Variants in PAN2 observed in about 807,000 individuals in gnomAD.
The protein encoded by PAN2 is poly(A) specific ribonuclease subunit PAN2.
A neutral mutation model predicts 133.3 loss-of-function variants in PAN2; 68 were observed. The observed-to-expected ratio is 0.51, with a 90% CI of 0.42 to 0.62. The LOEUF is 0.62. PAN2 is among the 20% of genes least tolerant of loss of function. The pLI, the probability that PAN2 is intolerant of heterozygous loss-of-function variation, is 0.00. For missense variants in PAN2, 1,042 were observed against 1,500.5 expected (o/e 0.69, Z 5.05); for synonymous variants, 462 against 544.6 (o/e 0.85, Z 2.11).
At chr12:56,328,198 C>T in intron 4 of PAN2, 40 bp downstream of exon 4, 1 of 1,592,538 alleles carries the variant, frequency 6.3e-7, no homozygotes, top group Non-Finnish European at 8.6e-7. Flanking sequence ...CCGCAACAAC[C>T]TCAGACCCCA....
Position 56,322,980 on chromosome 12 carries a change from T to C in PAN2, c.2493+82A>G. The C allele has an allele frequency of 1.9e-6, 3 of 1,549,124 alleles. No homozygotes were observed. The East Asian group carries it at 6.7e-5, about 35-fold the overall frequency. On this transcript the variant is annotated intron_variant, in intron 17 of 25. Transcript: ENST00000440411. ...TTCTCTTCCTTTTCCCTCTGCTAAG[T>C]TTCACCTTCCCCTGCCCTCCTTTAC...
chr12:56,332,656 T>A, intron 2 of PAN2, 157 bp downstream of exon 2: 1 of 623,526 alleles, frequency 1.6e-6, no homozygotes, highest in Non-Finnish European at 2.9e-6. Context: ...CATTTACTCC[T>A]AGATCCTAGA....
chr12:56,330,381 A>C, intron 2 of PAN2, among the ~76,000 whole-genome samples: 1 of 78,234 alleles, frequency 1.3e-5, no homozygotes. Context: ...TTTTTTTGAG[A>C]CGGAGTCTCG....
chr12:56,327,279 G>A, intron 6 of PAN2, 85 bp downstream of exon 6: 6 of 1,429,150 alleles, frequency 4.2e-6, no homozygotes, highest in Non-Finnish European at 5.8e-6. Flanking sequence ...CCCCAACAAA[G>A]AGGTTTCAGG....
chr12:56,333,355 G>A lies in PAN2; in HGVS notation c.-114-147C>T, dbSNP rs542480865. ...GGATGAAGCAGGCGGGGGAGGGATG[G>A]GCAGTGGGGGTGGAGGTGGTAGAAC... On this transcript the variant is annotated intron_variant, in intron 1 of 25. Transcript: ENST00000440411. 4.4e-5 allele frequency: 23 copies of A among 521,178 alleles called. No homozygotes were observed. The South Asian group carries it at 4.7e-4, about 11-fold the overall frequency. The allele number at this position is 521,178 out of a possible 1,614,324, so 32.3% of individuals were successfully genotyped here.
Position 56,327,411 on chromosome 12 carries a change from CG to C in PAN2, c.871del (p.Arg291AlafsTer36). On this transcript the variant is annotated frameshift_variant, in exon 6 of 26. Transcript: ENST00000440411. LOFTEE classifies it high-confidence loss of function. ...ACGAGAAGTATATGTAGGAATGAAG[CG>C]CAAGAAGGCAGGATCCACATGTACT... ...LQVHVDPAFLRFIPTYTSRLA... is the reference protein window; with the variant it reads ...LQVHVDPAFLXFIPTYTSRLA... The C allele has an allele frequency of 6.2e-7, 1 of 1,614,168 alleles. No homozygotes were observed. Among genetic ancestry groups the C allele is most frequent in the South Asian group, 1.1e-5 (1 of 91,076 alleles).
Position 56,322,403 on chromosome 12 carries a change from C to T in PAN2, c.2697+20G>A, listed in dbSNP as rs781307168. On this transcript the variant is annotated intron_variant, in intron 19 of 25. Coordinates refer to ENST00000440411, the MANE Select transcript of PAN2 (RefSeq NM_014871.6). ...GGAAAAGGGGAAATGAAAGAAGAAA[C>T]AGAACATGTTGCAACTAACCTTATC... is the stretch of plus-strand genomic sequence containing the variant. 13 of 1,592,394 alleles carry T rather than the reference C, an allele frequency of 8.2e-6. No individual in the cohort carries two copies. The South Asian group carries it at 9.9e-5, about 12-fold the overall frequency.
rs760310048 is a variant in PAN2 at position 56,325,461 on chromosome 12, A to T, written c.1360-7T>A. 4 of 1,613,528 alleles carry T rather than the reference A, an allele frequency of 2.5e-6. 1 individual carries two copies. Among genetic ancestry groups the T allele is most frequent in the South Asian group, 2.2e-5 (2 of 90,932 alleles). On this transcript the variant is annotated splice_polypyrimidine_tract_variant and splice_region_variant and intron_variant, in intron 8 of 25. Transcript: ENST00000440411. ...CCTTGAGTCTGTAGGGTATCTAGGGATTTTAGGAAGAGGTAACCTTGTTGG... is the reference window on the plus strand; with the variant it reads ...CCTTGAGTCTGTAGGGTATCTAGGGTTTTTAGGAAGAGGTAACCTTGTTGG...
intron 2 of PAN2, among the ~76,000 whole-genome samples, chr12:56,330,083 G>A (rs140543324): frequency 6.6e-6 from 1 of 152,024 alleles, no homozygotes; most frequent in Non-Finnish European, 1.5e-5. Context: ...CTTCTAGAGG[G>A]CCTAGAATAG....
Position 56,324,386 on chromosome 12 carries a change from G to A in PAN2, c.1836C>T (p.Leu612=), listed in dbSNP as rs1874889186. The change falls in exon 12 of 26, where the codon CTC becomes CTT. Residue 612 remains leucine (L), a synonymous_variant. Coordinates refer to ENST00000440411, the MANE Select transcript of PAN2 (RefSeq NM_014871.6). The part of the protein sequence containing the change: ...EASGKGNLAR[L]IQRWNRFILT... The stretch of plus-strand genomic sequence containing the variant: ...GAATGAAGCGATTCCACCTCTGAAT[G>A]AGCCTGGCCAGATTGCCCTTGCCTG... The A allele has an allele frequency of 6.2e-7, 1 of 1,614,062 alleles. No homozygotes were observed. Among genetic ancestry groups the A allele is most frequent in the African/African-American group, 1.3e-5 (1 of 74,914 alleles).
At chr12:56,326,498 T>C (rs2135980063) in intron 7 of PAN2, 89 bp from the exon 8 acceptor site, 10 of 1,508,890 alleles carry the variant, frequency 6.6e-6, no homozygotes, top group Non-Finnish European at 8.9e-6. Context: ...AAAAAGAAAA[T>C]ACTGAAGGTA....
At chr12:56,318,164 G>T in intron 25 of PAN2, 73 bp downstream of exon 25, 1 of 1,248,314 alleles carries the variant, frequency 8.0e-7, no homozygotes, top group African/African-American at 1.5e-5. Context: ...GTGACAGAGT[G>T]AGACCCTGTC....
Position 56,319,057 on chromosome 12 carries a change from T to C in PAN2, c.3364+31A>G. On this transcript the variant is annotated intron_variant, in intron 24 of 25. Coordinates refer to ENST00000440411, the MANE Select transcript of PAN2 (RefSeq NM_014871.6). This position sits in a 1 kb window ranked among gnomAD's most constrained non-coding sequence, Gnocchi z 5.4. Reference sequence around the variant, plus strand: ...TAAATGGCTGCTTCTGCTATTAATGTAGCAGGGGCCTACAAGGCAGAGCAA... The same window carrying C: ...TAAATGGCTGCTTCTGCTATTAATGCAGCAGGGGCCTACAAGGCAGAGCAA... The C allele has an allele frequency of 6.2e-7, 1 of 1,602,466 alleles. No homozygotes were observed. Among genetic ancestry groups the C allele is most frequent in the Non-Finnish European group, 8.6e-7 (1 of 1,169,488 alleles).
Position 56,322,078 on chromosome 12 carries a change from T to C in PAN2, c.2788A>G (p.Ile930Val). Residue 930 changes from isoleucine (I) to valine (V), a missense_variant and splice_region_variant, in exon 20 of 26, where the codon ATC becomes GTC. Transcript: ENST00000440411. Reference protein sequence around the residue: ...RNLNSRYNLNIKNPIEASVLL... With the variant: ...RNLNSRYNLNVKNPIEASVLL... ...CTTGGGTCTACTATGTAGCACTTAC[T>C]GTTCAGGTTGTATCTGGAATTGAGA... 6.4e-7 allele frequency: 1 copy of C among 1,565,384 alleles called. No homozygotes were observed. The highest frequency in any genetic ancestry group is 2.2e-5 in the East Asian group (1 of 44,584).
At chr12:56,330,509 G>A (rs1457087590) in intron 2 of PAN2, among the ~76,000 whole-genome samples, 1 of 150,266 alleles carries the variant, frequency 6.7e-6, no homozygotes, top group African/African-American at 2.4e-5. Flanking sequence ...ACAGGCGCCC[G>A]CCACTACGCC....
At chr12:56,322,577 A>T (rs1193277791) in intron 18 of PAN2, 38 bp downstream of exon 18, 1 of 1,613,012 alleles carries the variant, frequency 6.2e-7, no homozygotes, top group South Asian at 1.1e-5. Context: ...CACTGTGGCC[A>T]TCCCAGGAGT....
At chr12:56,326,514 A>G in intron 7 of PAN2, 103 bp downstream of exon 7, 1 of 1,505,830 alleles carries the variant, frequency 6.6e-7, no homozygotes, top group Non-Finnish European at 8.9e-7. Flanking sequence ...AGGTAGACAA[A>G]AATCAGGAAA....
At position 56,328,295 on chromosome 12, in the gene PAN2, A is replaced by C; in HGVS notation, c.516T>G (p.Gly172=). The C allele has an allele frequency of 6.2e-7, 1 of 1,609,682 alleles. No homozygotes were observed. The highest frequency in any genetic ancestry group is 1.1e-5 in the South Asian group (1 of 90,582). ...LLTDSSTLLV[G]GLQNHIIEID... Reference sequence around the variant, plus strand: ...TCTCTATTATGTGATTCTGCAGCCCACCAACGAGTAGAGTGCTGCTGTCAG... The same window carrying C: ...TCTCTATTATGTGATTCTGCAGCCCCCCAACGAGTAGAGTGCTGCTGTCAG... The change falls in exon 4 of 26, where the codon GGT becomes GGG. Residue 172 remains glycine (G), a synonymous_variant. Coordinates refer to ENST00000440411, the MANE Select transcript of PAN2 (RefSeq NM_014871.6).
Position 56,328,645 on chromosome 12 carries a change from T to G in PAN2, c.283-4A>C. 3 of 1,613,726 alleles carry G rather than the reference T, an allele frequency of 1.9e-6. No individual in the cohort carries two copies. Among genetic ancestry groups the G allele is most frequent in the South Asian group, 2.2e-5 (2 of 91,056 alleles). ...CAAAAAATGAAGTGGCATGGCCCTA[T>G]AGAGGACAAAGACAACAGAGACACT... is the stretch of plus-strand genomic sequence containing the variant. On this transcript the variant is annotated splice_polypyrimidine_tract_variant and splice_region_variant and intron_variant, in intron 2 of 25. Coordinates refer to ENST00000440411, the MANE Select transcript of PAN2 (RefSeq NM_014871.6).
Sources: allele counts gnomAD v4.1 joint callset (sites outside exome capture counted in the v4.1 genomes callset), GRCh38; gene constraint gnomAD v4.1.1; non-coding constraint Gnocchi (gnomAD v3.1); transcripts MANE v1.5; gene names NCBI Gene and HGNC (gene_info 2026-07-23, HGNC 2026-07-21).